Variants in ERC2 observed in about 807,000 individuals in gnomAD.
ERC2 encodes the protein ELKS/RAB6-interacting/CAST family member 2.
A neutral mutation model predicts 114.8 loss-of-function variants in ERC2; 42 were observed. That is an observed-to-expected ratio of 0.37 (90% CI 0.29 to 0.47). ERC2 has a LOEUF of 0.47. Ranked by LOEUF, ERC2 falls within the 20% of genes least tolerant of loss-of-function variation. The pLI is 0.99. For synonymous variants in ERC2, 454 were observed against 425.5 expected (o/e 1.07, Z -0.82); for missense variants, 939 against 1,150.7 (o/e 0.82, Z 2.66).
intron 2 of ERC2, among the ~76,000 whole-genome samples, chr3:56,315,868 T>A (rs547660872): frequency 6.6e-6 from 1 of 151,904 alleles, no homozygotes; most frequent in African/African-American, 2.4e-5. Context: ...CAGGAAAGTA[T>A]AGAAAAAAAG....
At chr3:55,604,156 T>C (rs1187621232) in intron 17 of ERC2, among the ~76,000 whole-genome samples, 2 of 152,158 alleles carry the variant, frequency 1.3e-5, no homozygotes. Flanking sequence ...GGCATTTGGA[T>C]TTGCAGAATC....
At chr3:56,018,202 T>C (rs1281269917) in intron 8 of ERC2, among the ~76,000 whole-genome samples, 2 of 152,168 alleles carry the variant, frequency 1.3e-5, no homozygotes, top group Non-Finnish European at 2.9e-5. Context: ...TCCACTGAGG[T>C]GGCTACTATT....
chr3:55,991,280 C>T (rs1336066095), intron 11 of ERC2, among the ~76,000 whole-genome samples: 5 of 152,184 alleles, frequency 3.3e-5, no homozygotes, highest in Admixed American at 6.5e-5. Context: ...CTGGGAAAGA[C>T]AAATTCTGCC....
chr3:56,393,496 A>G (rs2060200231), intron 2 of ERC2, among the ~76,000 whole-genome samples: 1 of 152,208 alleles, frequency 6.6e-6, no homozygotes, highest in South Asian at 2.1e-4. Flanking sequence ...ATGTTCTGAT[A>G]GATTCCCAAA....
intron 2 of ERC2, among the ~76,000 whole-genome samples, chr3:56,338,166 G>C (rs778354684): frequency 6.6e-6 from 1 of 152,234 alleles, no homozygotes; most frequent in Non-Finnish European, 1.5e-5. Context: ...AGGGGAGGTA[G>C]GGGGTTGTGA....
intron 17 of ERC2, among the ~76,000 whole-genome samples, chr3:55,546,042 G>C (rs1257578074): frequency 1.3e-5 from 2 of 152,192 alleles, no homozygotes; most frequent in East Asian, 3.9e-4. Flanking sequence ...CAGTGGTCAG[G>C]AGCCAGAGAG....
At chr3:56,200,346 G>GC (rs2048340301) in intron 3 of ERC2, among the ~76,000 whole-genome samples, 1 of 92,282 alleles carries the variant, frequency 1.1e-5, no homozygotes, top group Non-Finnish European at 2.4e-5. Context: ...AAATACTCAG[G>GC]GGAAAAAAAA....
At chr3:56,336,753 C>T (rs1576483934) in intron 2 of ERC2, among the ~76,000 whole-genome samples, 2 of 152,106 alleles carry the variant, frequency 1.3e-5, no homozygotes, top group African/African-American at 4.8e-5. Flanking sequence ...GCCAAGATCA[C>T]GCCACTGCAC....
chr3:56,010,144 A>C (rs762152364), intron 9 of ERC2, among the ~76,000 whole-genome samples: 8 of 152,318 alleles, frequency 5.3e-5, no homozygotes, highest in Middle Eastern at 3.4e-3. Flanking sequence ...GCAAGGGATC[A>C]TGGGCCTGTG....
chr3:55,735,729 C>G (rs534009872), intron 14 of ERC2, among the ~76,000 whole-genome samples: 1 of 152,070 alleles, frequency 6.6e-6, no homozygotes, highest in South Asian at 2.1e-4. Flanking sequence ...CTGCGAAAAC[C>G]CCCCCAAAAC....
intron 2 of ERC2, among the ~76,000 whole-genome samples, chr3:56,369,254 C>T (rs1004767395): frequency 6.6e-5 from 10 of 152,022 alleles, no homozygotes; most frequent in Non-Finnish European, 1.3e-4. Flanking sequence ...TTAGATTATC[C>T]CAAACAGTAC....
At chr3:55,899,493 G>T (rs75673584) in intron 13 of ERC2, among the ~76,000 whole-genome samples, 1 of 152,028 alleles carries the variant, frequency 6.6e-6, no homozygotes, top group Non-Finnish European at 1.5e-5. Context: ...TATGGAATAC[G>T]TGTGTGAGTG....
intron 3 of ERC2, among the ~76,000 whole-genome samples, chr3:56,230,266 C>T (rs1376990963): frequency 6.6e-6 from 1 of 152,132 alleles, no homozygotes; most frequent in African/African-American, 2.4e-5. Context: ...GAATATACTT[C>T]ATCGTTCTTA....
chr3:56,295,057 T>A (rs2055341348), intron 3 of ERC2, among the ~76,000 whole-genome samples: 1 of 152,200 alleles, frequency 6.6e-6, no homozygotes, highest in Admixed American at 6.5e-5. Flanking sequence ...AAGCCATGTC[T>A]TCCGACCAAC....
At chr3:55,932,929 C>T (rs1311780232) in intron 13 of ERC2, among the ~76,000 whole-genome samples, 1 of 152,222 alleles carries the variant, frequency 6.6e-6, no homozygotes, top group Non-Finnish European at 1.5e-5. Context: ...AAAGAAAGCA[C>T]TGGGCGTGGT....
intron 17 of ERC2, among the ~76,000 whole-genome samples, chr3:55,679,309 G>A (rs1252629158): frequency 6.6e-6 from 1 of 152,120 alleles, no homozygotes; most frequent in Admixed American, 6.6e-5. Context: ...GCACGCCTTG[G>A]CATGGATACC....
intron 3 of ERC2, among the ~76,000 whole-genome samples, chr3:56,257,521 G>C (rs745476257): frequency 1.3e-5 from 2 of 152,272 alleles, no homozygotes; most frequent in Admixed American, 1.3e-4. Flanking sequence ...TTTCACTGAA[G>C]TTACAAAAAC....
At chr3:56,243,481 C>T (rs546544364) in intron 3 of ERC2, among the ~76,000 whole-genome samples, 12 of 152,264 alleles carry the variant, frequency 7.9e-5, no homozygotes, top group East Asian at 5.8e-4. Flanking sequence ...TGTACAGTCA[C>T]GGCTCCTTAC....
At chr3:55,815,463 T>C (rs1455415442) in intron 14 of ERC2, among the ~76,000 whole-genome samples, 1 of 152,164 alleles carries the variant, frequency 6.6e-6, no homozygotes, top group East Asian at 1.9e-4. Flanking sequence ...GAATGCAGTC[T>C]GCCATTGCTG....
Sources: allele counts gnomAD v4.1 joint callset (sites outside exome capture counted in the v4.1 genomes callset), GRCh38; gene constraint gnomAD v4.1.1; transcripts MANE v1.5; gene names NCBI Gene and HGNC (gene_info 2026-07-23, HGNC 2026-07-21).